Variants in TNNI3K observed in about 807,000 individuals in gnomAD.
TNNI3K encodes the protein serine/threonine-protein kinase TNNI3K.
TNNI3K carries 140 observed loss-of-function variants against 114.5 expected under a neutral mutation model. The observed-to-expected ratio is 1.22, with a 90% CI of 1.07 to 1.41. The LOEUF (loss-of-function observed/expected upper bound fraction) is 1.41, where lower values mean the gene tolerates loss of function less well. Ranked by LOEUF, TNNI3K falls within the 40% of genes most tolerant of loss-of-function variation. The pLI is 0.00. For missense variants in TNNI3K, 1,125 were observed against 1,007.6 expected (o/e 1.12, Z -1.58); for synonymous variants, 347 against 347.5 (o/e 1.00, Z 0.02).
At chr1:74,276,741 C>T (rs1198241654) in intron 5 of TNNI3K, among the ~76,000 whole-genome samples, 9 of 152,034 alleles carry the variant, frequency 5.9e-5, no homozygotes, top group African/African-American at 1.7e-4. Flanking sequence ...AAATTCAGAC[C>T]TTCCATTAGT....
At chr1:74,329,073 T>C (rs1225347329) in intron 5 of TNNI3K, among the ~76,000 whole-genome samples, 1 of 152,020 alleles carries the variant, frequency 6.6e-6, no homozygotes, top group Non-Finnish European at 1.5e-5. Flanking sequence ...CTATCTGGGA[T>C]TGAATTAGTT....
chr1:74,362,640 A>G (rs970196303), intron 11 of TNNI3K, among the ~76,000 whole-genome samples: 5 of 152,150 alleles, frequency 3.3e-5, no homozygotes, highest in African/African-American at 7.2e-5. Flanking sequence ...ATATATGACT[A>G]TGATGTAGAT....
At chr1:74,445,213 T>C (rs967021993) in intron 20 of TNNI3K, among the ~76,000 whole-genome samples, 76 of 71,572 alleles carry the variant, frequency 1.1e-3, no homozygotes, top group East Asian at 4.9e-3. Context: ...TCTTTTTTTT[T>C]TTTCTTTCTT....
chr1:74,319,719 T>C (rs886382342), intron 5 of TNNI3K, among the ~76,000 whole-genome samples: 1 of 152,202 alleles, frequency 6.6e-6, no homozygotes, highest in Non-Finnish European at 1.5e-5. Context: ...TTCTCTGATG[T>C]CTAAGGTTCC....
chr1:74,255,378 T>A (rs1042198984), intron 4 of TNNI3K, among the ~76,000 whole-genome samples: 9 of 144,812 alleles, frequency 6.2e-5, no homozygotes, highest in Non-Finnish European at 1.2e-4. Context: ...AAAAAATGCC[T>A]AACTTTCTGA....
intron 5 of TNNI3K, among the ~76,000 whole-genome samples, chr1:74,314,217 C>T (rs1230981353): frequency 6.7e-6 from 1 of 150,262 alleles, no homozygotes; most frequent in Non-Finnish European, 1.5e-5. Context: ...TATATTTTTT[C>T]ATCCATCTTT....
At chr1:74,347,017 T>C (rs1661037239) in intron 9 of TNNI3K, among the ~76,000 whole-genome samples, 2 of 152,012 alleles carry the variant, frequency 1.3e-5, no homozygotes, top group South Asian at 4.1e-4. Context: ...ATTATTTTTC[T>C]ACTTTAAGTT....
At chr1:74,353,928 G>A (rs1661520771) in intron 10 of TNNI3K, 52 bp from the exon 11 acceptor site, 1 of 1,564,512 alleles carries the variant, frequency 6.4e-7, no homozygotes, top group South Asian at 1.2e-5. Context: ...GAAAATTGGG[G>A]AGCAGTTTTT....
At chr1:74,428,674 C>T (rs745783683) in intron 17 of TNNI3K, among the ~76,000 whole-genome samples, 3 of 152,058 alleles carry the variant, frequency 2.0e-5, no homozygotes, top group African/African-American at 7.2e-5. Context: ...GGGGCTCATG[C>T]CTGTAATCCC....
At chr1:74,406,892 C>T (rs1366423879) in intron 17 of TNNI3K, among the ~76,000 whole-genome samples, 4 of 152,152 alleles carry the variant, frequency 2.6e-5, no homozygotes, top group Non-Finnish European at 5.9e-5. Flanking sequence ...CAGAAATGTC[C>T]TACATCAAGC....
At chr1:74,344,705 C>T (rs1379015237) in intron 9 of TNNI3K, among the ~76,000 whole-genome samples, 2 of 152,136 alleles carry the variant, frequency 1.3e-5, no homozygotes, top group African/African-American at 4.8e-5. Flanking sequence ...CAACTGTAAT[C>T]AGAGGGTGAC....
intron 11 of TNNI3K, among the ~76,000 whole-genome samples, chr1:74,359,804 A>C (rs945888620): frequency 7.2e-5 from 11 of 152,008 alleles, no homozygotes; most frequent in Non-Finnish European, 1.5e-4. Context: ...ATACCAACTG[A>C]CTGCTTGATT....
At chr1:74,375,136 A>G (rs751457750) in intron 17 of TNNI3K, 72 of 156,746 alleles carry the variant, frequency 4.6e-4, no homozygotes, top group Middle Eastern at 3.3e-3. Flanking sequence ...GTGAAGCACC[A>G]TACAAAATGC....
rs1657829164 is a variant in TNNI3K at position 74,293,945 on chromosome 1, T to A, written c.444+22237T>A. Among the ~76,000 whole-genome samples, 10 of 151,892 alleles carry A rather than the reference T, an allele frequency of 6.6e-5. 1 individual carries two copies. In the South Asian group the frequency reaches 2.1e-3, roughly 32 times the overall value. On this transcript the variant is annotated intron_variant, in intron 5 of 24. Transcript: ENST00000326637. ...TCAAATATTTTCTCATCTATTGAGA[T>A]CATTATGTAATTTTCTTCTATTATT...
chr1:74,347,010 A>G (rs1306174074), intron 9 of TNNI3K, among the ~76,000 whole-genome samples: 2 of 150,348 alleles, frequency 1.3e-5, no homozygotes, highest in African/African-American at 5.0e-5. Flanking sequence ...TATTATTATT[A>G]TTTTTCTACT....
intron 17 of TNNI3K, among the ~76,000 whole-genome samples, chr1:74,388,319 T>C (rs895601477): frequency 3.3e-5 from 5 of 152,162 alleles, no homozygotes; most frequent in Non-Finnish European, 5.9e-5. Context: ...CCCACTCTCC[T>C]ACCCAACAAA....
intron 22 of TNNI3K, among the ~76,000 whole-genome samples, chr1:74,489,743 T>C (rs1015195897): frequency 6.6e-6 from 1 of 152,192 alleles, no homozygotes; most frequent in African/African-American, 2.4e-5. Flanking sequence ...AATGGAATTT[T>C]CTTGCCTTAT....
intron 20 of TNNI3K, among the ~76,000 whole-genome samples, chr1:74,459,110 T>C (rs1484651962): frequency 2.6e-5 from 4 of 152,058 alleles, no homozygotes. Flanking sequence ...CAACAGAGGA[T>C]TGGATAAAGA....
intron 4 of TNNI3K, among the ~76,000 whole-genome samples, chr1:74,264,104 A>G (rs918196833): frequency 6.6e-6 from 1 of 151,830 alleles, no homozygotes; most frequent in Non-Finnish European, 1.5e-5. Flanking sequence ...AGGTGAGGGG[A>G]AAAAATAGGT....
Sources: gnomAD v4.1 joint callset for allele counts (sites outside exome capture counted in the v4.1 genomes callset) on GRCh38, gnomAD v4.1.1 for gene constraint, MANE v1.5 for transcripts, NCBI Gene and HGNC (gene_info 2026-07-23, HGNC 2026-07-21) for gene names.